ARHGAP27: variants seen among roughly 807,000 people sequenced by gnomAD.
ARHGAP27 encodes rho GTPase-activating protein 27.
A neutral mutation model predicts 102.0 loss-of-function variants in ARHGAP27; 53 were observed. The ratio of observed to expected loss-of-function variants is 0.52; its 90% confidence interval spans 0.42 to 0.65. ARHGAP27 has a LOEUF of 0.65. ARHGAP27 is among the 30% of genes least tolerant of loss of function. The pLI, the probability that ARHGAP27 is intolerant of heterozygous loss-of-function variation, is 0.00. For synonymous variants in ARHGAP27, 525 were observed against 542.8 expected (o/e 0.97, Z 0.46); for missense variants, 1,117 against 1,256.2 (o/e 0.89, Z 1.68).
chr17:45,427,357 G>A lies in ARHGAP27; in HGVS notation c.657+2266C>T, dbSNP rs1349628820. Among the ~76,000 whole-genome samples the A allele has an allele frequency of 2.0e-5, 3 of 152,238 alleles. No individual in the cohort carries two copies. Among genetic ancestry groups the A allele is most frequent in the Non-Finnish European group, 2.9e-5 (2 of 68,048 alleles). On this transcript the variant is annotated intron_variant, in intron 4 of 19. Coordinates refer to ENST00000685559, the MANE Select transcript of ARHGAP27 (RefSeq NM_001282290.2). This position sits in a 1 kb window ranked among gnomAD's most constrained non-coding sequence, Gnocchi z 4.5. ...AACCCTATGCTCCACTCTGAGCCCC[G>A]GCCCCATGTCTTCTCTTGCTGGCCT...
chr17:45,418,192 G>A (rs771331977), intron 4 of ARHGAP27, among the ~76,000 whole-genome samples: 207 of 145,786 alleles, frequency 1.4e-3, no homozygotes, highest in Non-Finnish European at 2.7e-3. Flanking sequence ...CAGTCCTCCC[G>A]CTTCGGCCTC....
rs2049935641 is a variant in ARHGAP27, at chr17:45,430,024, C to T, written c.256G>A (p.Ala86Thr). The T allele has an allele frequency of 1.2e-5, 15 of 1,218,698 alleles. No homozygotes were observed. Among genetic ancestry groups the T allele is most frequent in the African/African-American group, 4.9e-5 (3 of 61,532 alleles). The allele number at this position is 1,218,698 out of a possible 1,614,324, so 75.5% of individuals were successfully genotyped here. A position where few individuals can be genotyped will look rare whatever the true frequency, so the allele number is the denominator to read the frequency against. ...TCGTAGGCGAGCGGCTCAGGGGCCG[C>T]GGGGCTCGGGTGGGGACCTGGCGGC... is the stretch of plus-strand genomic sequence containing the variant. The part of the protein sequence containing the change: ...AAPPGPHPSP[A>T]APEPLAYDYR... The change falls in exon 4 of 20, where the codon GCG becomes ACG. Residue 86 changes from alanine to threonine, a missense_variant. Ala to Thr is a moderately conservative substitution (Grantham distance 58, BLOSUM62 0). Transcript: ENST00000685559. The surrounding 1 kb of genome is among the most constrained non-coding windows in gnomAD (Gnocchi z 4.4).
intron 4 of ARHGAP27, among the ~76,000 whole-genome samples, chr17:45,419,620 CATAAGT>C (rs985694649): frequency 2.8e-5 from 4 of 143,942 alleles, no homozygotes; most frequent in African/African-American, 7.8e-5. Context: ...CATTGGACTA[CATAAGT>C]ATATTTTAAG....
chr17:45,395,255 G>A lies in ARHGAP27; in HGVS notation c.*201C>T. The A allele has an allele frequency of 1.6e-6, 1 of 633,108 alleles. No individual in the cohort carries two copies. Among genetic ancestry groups the A allele is most frequent in the South Asian group, 2.0e-5 (1 of 48,846 alleles). 39.2% of individuals were successfully genotyped at this position (633,108 alleles called of 1,614,324 possible). On this transcript the variant is annotated 3_prime_UTR_variant, in exon 20 of 20. Transcript: ENST00000685559. ...TGACGGGAAGGGAAGGGGGGATGGGGAGTTGGGAAGAAGGAATCACATTTT... is the reference window on the plus strand; with the variant it reads ...TGACGGGAAGGGAAGGGGGGATGGGAAGTTGGGAAGAAGGAATCACATTTT...
Position 45,429,609 on chromosome 17 carries a change from G to GC in ARHGAP27, c.657+13dup. The GC allele has an allele frequency of 6.3e-7, 1 of 1,575,068 alleles. No individual in the cohort carries two copies. Among genetic ancestry groups the GC allele is most frequent in the Non-Finnish European group, 8.6e-7 (1 of 1,160,722 alleles). On this transcript the variant is annotated intron_variant, in intron 4 of 19. Coordinates refer to ENST00000685559, the MANE Select transcript of ARHGAP27 (RefSeq NM_001282290.2). The stretch of plus-strand genomic sequence containing the variant: ...GCGCCACCCGCCTCCGCGCCCCAGC[G>GC]CCCGGGGAGGTACCTGCTCTGCGCT...
At chr17:45,397,206 A>C in intron 13 of ARHGAP27, 182 bp from the exon 14 acceptor site, 2 of 1,427,130 alleles carry the variant, frequency 1.4e-6, no homozygotes, top group Admixed American at 2.9e-5. Flanking sequence ...GAGAACATTC[A>C]CCTCCCTTAG....
In ARHGAP27 at chr17:45,405,823, G is replaced by A; in HGVS notation, c.918C>T (p.Gly306=). ...DSHVSLETEW[G]QYWDEESRRV... is the part of the protein sequence containing the mutation. ...TGCGGCTCTCCTCATCCCAGTACTG[G>A]CCCCACTCGGTCTCAAGGCTCACGT... The change falls in exon 5 of 20, where the codon GGC becomes GGT. Residue 306 remains glycine (G), a synonymous_variant. Coordinates refer to ENST00000685559, the MANE Select transcript of ARHGAP27 (RefSeq NM_001282290.2). 1 of 1,538,028 alleles carries A rather than the reference G, an allele frequency of 6.5e-7. No homozygotes were observed. Among genetic ancestry groups the A allele is most frequent in the Non-Finnish European group, 8.7e-7 (1 of 1,147,600 alleles).
intron 4 of ARHGAP27, chr17:45,410,105 A>G: frequency 8.3e-7 from 1 of 1,210,766 alleles, no homozygotes; most frequent in Non-Finnish European, 1.1e-6. Flanking sequence ...TCCGAGAAGG[A>G]AAGAGAAAAG....
intron 4 of ARHGAP27, among the ~76,000 whole-genome samples, chr17:45,415,163 C>T (rs2048334197): frequency 6.6e-6 from 1 of 151,706 alleles, no homozygotes; most frequent in Non-Finnish European, 1.5e-5. Flanking sequence ...GAGCCAACTT[C>T]TCTGTTCCCT....
At position 45,430,291 on chromosome 17, in the gene ARHGAP27, C is replaced by T; in HGVS notation, c.-12G>A. The T allele has an allele frequency of 6.4e-7, 1 of 1,558,350 alleles. No homozygotes were observed. Among genetic ancestry groups the T allele is most frequent in the Admixed American group, 1.9e-5 (1 of 53,356 alleles). ...ACGTCCGCCGCCATCGCAGCCGCGGCGTTTTCCTGCGGGCAACAAGAAGGA... is the reference window on the plus strand; with the variant it reads ...ACGTCCGCCGCCATCGCAGCCGCGGTGTTTTCCTGCGGGCAACAAGAAGGA... On this transcript the variant is annotated 5_prime_UTR_variant, in exon 4 of 20. Transcript: ENST00000685559. The surrounding 1 kb of genome is among the most constrained non-coding windows in gnomAD (Gnocchi z 4.4).
Position 45,405,738 on chromosome 17 carries a change from C to G in ARHGAP27, c.1003G>C (p.Glu335Gln), listed in dbSNP as rs1478375178. ...TGCATCTCCAACTCCTCCTCGGGCT[C>G]GTTCTCGGCCTCGTCCTCCCAGGCC... ...ETAWEDEAEN[E>Q]PEEELEMQPG... Residue 335 changes from glutamate to glutamine, a missense_variant, in exon 5 of 20, where the codon GAG (glutamate) becomes CAG (glutamine). Transcript: ENST00000685559. 4.4e-6 allele frequency: 7 copies of G among 1,602,040 alleles called. No homozygotes were observed. The highest frequency in any genetic ancestry group is 1.3e-5 in the African/African-American group (1 of 75,056).
intron 4 of ARHGAP27, among the ~76,000 whole-genome samples, chr17:45,428,957 GA>G (rs1013850422): frequency 4.6e-5 from 7 of 152,218 alleles, no homozygotes; most frequent in South Asian, 2.1e-4. Context: ...TGAAGAGGGG[GA>G]AAAAAACAAC....
chr17:45,397,906 C>A, intron 13 of ARHGAP27, 43 bp downstream of exon 13: 1 of 1,540,218 alleles, frequency 6.5e-7, no homozygotes. Context: ...TCATAATGGC[C>A]ACCCCCTCCC....
intron 18 of ARHGAP27, 30 bp from the exon 19 acceptor site, chr17:45,395,879 G>T (rs1204731835): frequency 6.3e-7 from 1 of 1,585,548 alleles, no homozygotes; most frequent in East Asian, 2.3e-5. Context: ...GAGGGAGGGA[G>T]TCGGAACGGG....
chr17:45,421,884 G>T (rs1245142266), intron 4 of ARHGAP27, among the ~76,000 whole-genome samples: 2 of 152,210 alleles, frequency 1.3e-5, no homozygotes, highest in Non-Finnish European at 2.9e-5. Context: ...TACAGTGATA[G>T]GCTGGGTGCA....
At position 45,430,073 on chromosome 17, in the gene ARHGAP27, C is replaced by A. The variant is rs745639336; in HGVS notation, c.207G>T (p.Ala69=). 2 of 1,371,818 alleles carry A rather than the reference C, an allele frequency of 1.5e-6. No individual in the cohort carries two copies. The highest frequency in any genetic ancestry group is 9.3e-7 in the Non-Finnish European group (1 of 1,070,874). The allele number at this position is 1,371,818 out of a possible 1,614,324, so 85.0% of individuals were successfully genotyped here. Residue 69 remains alanine, a synonymous_variant, in exon 4 of 20, where the codon GCG becomes GCT. Coordinates refer to ENST00000685559, the MANE Select transcript of ARHGAP27 (RefSeq NM_001282290.2). This position sits in a 1 kb window ranked among gnomAD's most constrained non-coding sequence, Gnocchi z 4.4. ...GCGCGGCGGCGGCAGGGTTGCCCAGCGCGGGCAGCTCGCGCACGTACTGCG... is the reference window on the plus strand; with the variant it reads ...GCGCGGCGGCGGCAGGGTTGCCCAGAGCGGGCAGCTCGCGCACGTACTGCG... The part of the protein sequence containing the change: ...LPAQYVRELP[A]LGNPAAAAPP...
At position 45,405,082 on chromosome 17, in the gene ARHGAP27, G is replaced by C. The variant is rs1401021719; in HGVS notation, c.1090C>G (p.Pro364Ala). 1.9e-6 allele frequency: 3 copies of C among 1,595,432 alleles called. No individual in the cohort carries two copies. The East Asian group carries it at 6.7e-5, about 36-fold the overall frequency. Reference protein sequence around the residue: ...PRPPTPETDYPESLTSYPEED... With the variant: ...PRPPTPETDYAESLTSYPEED... The stretch of plus-strand genomic sequence containing the variant: ...TCGGGGTAACTGGTCAGCGACTCGG[G>C]GTAGTCCGTCTCGGGAGTGGGGGGC... The change falls in exon 6 of 20, where the codon CCC (proline) becomes GCC (alanine). Residue 364 changes from proline (P) to alanine (A), a missense_variant. Transcript: ENST00000685559.
intron 4 of ARHGAP27, among the ~76,000 whole-genome samples, chr17:45,419,222 T>G (rs546238051): frequency 1.7e-4 from 26 of 152,078 alleles, no homozygotes; most frequent in Non-Finnish European, 3.1e-4. Context: ...CATCCAGAGA[T>G]AAACATAAAT....
chr17:45,395,238 A>C lies in ARHGAP27; in HGVS notation c.*218T>G. The stretch of plus-strand genomic sequence containing the variant: ...AACCCCCAAACAGGACGTGACGGGA[A>C]GGGAAGGGGGGATGGGGAGTTGGGA... On this transcript the variant is annotated 3_prime_UTR_variant, in exon 20 of 20. Coordinates refer to ENST00000685559, the MANE Select transcript of ARHGAP27 (RefSeq NM_001282290.2). 3 of 597,980 alleles carry C rather than the reference A, an allele frequency of 5.0e-6. No homozygotes were observed. Among genetic ancestry groups the C allele is most frequent in the Non-Finnish European group, 8.7e-6 (3 of 345,784 alleles). The allele number at this position is 597,980 out of a possible 1,614,324, so 37.0% of individuals were successfully genotyped here.
Sources: allele counts gnomAD v4.1 joint callset (sites outside exome capture counted in the v4.1 genomes callset), GRCh38; gene constraint gnomAD v4.1.1; non-coding constraint Gnocchi (gnomAD v3.1); transcripts MANE v1.5; gene names NCBI Gene and HGNC (gene_info 2026-07-23, HGNC 2026-07-21).